The following SCTR variants were observed in gnomAD, a reference collection of about 807,000 sequenced individuals.
SCTR encodes the protein secretin receptor.
In SCTR, 56 loss-of-function variants were observed where a neutral mutation model predicts 60.8. The observed-to-expected ratio is 0.92, with a 90% confidence interval of 0.74 to 1.15. The LOEUF (loss-of-function observed/expected upper bound fraction) is 1.15. Among genes scored for constraint, SCTR ranks in the 50% most tolerant of loss-of-function variants. The pLI is 0.00. For missense variants in SCTR, 562 were observed against 550.4 expected (o/e 1.02, Z -0.21); for synonymous variants, 202 against 217.0 (o/e 0.93, Z 0.61).
chr2:119,521,077 A>G (rs772315525), intron 1 of SCTR, among the ~76,000 whole-genome samples: 5 of 152,198 alleles, frequency 3.3e-5, no homozygotes, highest in South Asian at 2.1e-4. Context: ...CAGCTCTCAG[A>G]AGAGAGAATT....
At chr2:119,452,670 G>A (rs932364507) in intron 8 of SCTR, among the ~76,000 whole-genome samples, 7 of 152,134 alleles carry the variant, frequency 4.6e-5, no homozygotes, top group Non-Finnish European at 1.5e-5. Flanking sequence ...GCTAAATTTG[G>A]ACTATAGACA....
intron 1 of SCTR, among the ~76,000 whole-genome samples, chr2:119,500,367 C>A (rs1348079617): frequency 2.0e-5 from 3 of 152,180 alleles, no homozygotes; most frequent in Non-Finnish European, 4.4e-5. Flanking sequence ...AATTTCACTT[C>A]TGGGTATATA....
At chr2:119,442,956 C>T (rs935640076) in intron 11 of SCTR, among the ~76,000 whole-genome samples, 3 of 152,042 alleles carry the variant, frequency 2.0e-5, no homozygotes, top group Admixed American at 6.5e-5. Context: ...CATTTAACCT[C>T]GCCAAAGCTC....
chr2:119,504,556 A>G (rs1678667248), intron 1 of SCTR, among the ~76,000 whole-genome samples: 1 of 152,052 alleles, frequency 6.6e-6, no homozygotes, highest in African/African-American at 2.4e-5. Context: ...GCGCCACAAC[A>G]CTCCAGCCTG....
chr2:119,458,173 G>A (rs72833274), intron 7 of SCTR, among the ~76,000 whole-genome samples: 7,985 of 152,078 alleles, frequency 0.053, 328 homozygotes, highest in Middle Eastern at 0.11. Context: ...AGGTACAGTG[G>A]TGCATGCCTG....
chr2:119,440,756 G>T (rs184141532), intron 12 of SCTR, among the ~76,000 whole-genome samples: 13 of 152,246 alleles, frequency 8.5e-5, no homozygotes, highest in African/African-American at 3.1e-4. Flanking sequence ...ATTTAAGATG[G>T]GTCCCCACTT....
chr2:119,460,109 G>A (rs1340816303), intron 7 of SCTR, among the ~76,000 whole-genome samples: 1 of 151,914 alleles, frequency 6.6e-6, no homozygotes, highest in Non-Finnish European at 1.5e-5. Flanking sequence ...GGCTCAGCAA[G>A]CAGGAGGGCT....
intron 3 of SCTR, 127 bp downstream of exon 3, chr2:119,478,684 C>T: frequency 1.3e-6 from 1 of 762,686 alleles, no homozygotes; most frequent in Non-Finnish European, 2.1e-6. Context: ...TTGCAGTGAT[C>T]TCCCCCATCA....
At chr2:119,488,546 T>C (rs1405763173) in intron 2 of SCTR, among the ~76,000 whole-genome samples, 1 of 152,204 alleles carries the variant, frequency 6.6e-6, no homozygotes, top group Non-Finnish European at 1.5e-5. Context: ...TCTGCTCAGA[T>C]CGGTCAACCT....
At chr2:119,489,551 C>T (rs757042772) in intron 2 of SCTR, among the ~76,000 whole-genome samples, 1 of 152,082 alleles carries the variant, frequency 6.6e-6, no homozygotes, top group Non-Finnish European at 1.5e-5. Context: ...TGCAGAGGTG[C>T]GAGACGAGAG....
At chr2:119,521,930 T>G (rs1250310733) in intron 1 of SCTR, among the ~76,000 whole-genome samples, 1 of 151,996 alleles carries the variant, frequency 6.6e-6, no homozygotes, top group Admixed American at 6.5e-5. Flanking sequence ...AGCCGTAAAA[T>G]AACCCAAGGA....
chr2:119,483,368 G>C (rs145099356), intron 2 of SCTR, among the ~76,000 whole-genome samples: 107 of 152,324 alleles, frequency 7.0e-4, no homozygotes, highest in African/African-American at 2.5e-3. Flanking sequence ...TGATAATGGA[G>C]CTGGGATCCC....
At chr2:119,495,886 C>T (rs1678327869) in intron 1 of SCTR, among the ~76,000 whole-genome samples, 1 of 152,250 alleles carries the variant, frequency 6.6e-6, no homozygotes, top group African/African-American at 2.4e-5. Flanking sequence ...TCATAGAATG[C>T]TCATTCTTTC....
chr2:119,507,932 C>T (rs1319255888), intron 1 of SCTR, among the ~76,000 whole-genome samples: 2 of 152,106 alleles, frequency 1.3e-5, no homozygotes, highest in Admixed American at 1.3e-4. Context: ...CCATCTCGGC[C>T]TCCCAAAGTG....
At chr2:119,480,512 A>G (rs1249303132) in intron 2 of SCTR, among the ~76,000 whole-genome samples, 10 of 152,188 alleles carry the variant, frequency 6.6e-5, no homozygotes, top group Admixed American at 6.5e-4. Context: ...TCAAGATGAG[A>G]TTTGAGTGGG....
intron 1 of SCTR, among the ~76,000 whole-genome samples, chr2:119,498,266 A>G (rs1325335331): frequency 6.6e-6 from 1 of 152,194 alleles, no homozygotes; most frequent in Non-Finnish European, 1.5e-5. Context: ...TCCTATACTC[A>G]GTAAAAATAT....
chr2:119,491,337 C>G (rs1041407086), intron 2 of SCTR, among the ~76,000 whole-genome samples: 4 of 152,180 alleles, frequency 2.6e-5, no homozygotes, highest in Admixed American at 1.3e-4. Context: ...CAGGATCCCT[C>G]ATGTCTGTGC....
intron 2 of SCTR, among the ~76,000 whole-genome samples, chr2:119,493,446 G>C (rs1322128349): frequency 6.6e-6 from 1 of 152,138 alleles, no homozygotes; most frequent in Non-Finnish European, 1.5e-5. Flanking sequence ...AGATGACAGA[G>C]AGCAAAGATG....
chr2:119,446,036 G>T (rs940818178), intron 11 of SCTR, among the ~76,000 whole-genome samples: 1 of 152,208 alleles, frequency 6.6e-6, no homozygotes, highest in African/African-American at 2.4e-5. Context: ...TTCACGTTCA[G>T]GCTCCCTCTG....
Sources: gnomAD v4.1 joint callset for allele counts (sites outside exome capture counted in the v4.1 genomes callset) on GRCh38, gnomAD v4.1.1 for gene constraint, MANE v1.5 for transcripts, NCBI Gene and HGNC (gene_info 2026-07-23, HGNC 2026-07-21) for gene names.